CDC27: variants seen among roughly 807,000 people sequenced by gnomAD.
CDC27 encodes cell division cycle protein 27 homolog.
Under a neutral mutation model 109.7 loss-of-function variants are expected in CDC27, and 27 were observed. That is an observed-to-expected ratio of 0.25 (90% CI 0.18 to 0.34). The LOEUF (loss-of-function observed/expected upper bound fraction) is 0.34, where lower values mean the gene tolerates loss of function less well. Among genes scored for constraint, CDC27 ranks in the 10% least tolerant of loss-of-function variants. The probability of loss-of-function intolerance (pLI) is 1.00; values close to 1 mark genes in which losing one functional copy is unlikely to be tolerated. For synonymous variants in CDC27, 266 were observed against 333.9 expected (o/e 0.80, Z 2.22); for missense variants, 579 against 960.2 (o/e 0.60, Z 5.25).
intron 4 of CDC27, among the ~76,000 whole-genome samples, chr17:47,162,570 A>G (rs1598531038): frequency 1.3e-5 from 2 of 152,236 alleles, no homozygotes; most frequent in Admixed American, 6.5e-5. Context: ...AAGTTGCATT[A>G]GTGAACTGTA....
chr17:47,154,596 T>G, intron 8 of CDC27, 76 bp downstream of exon 8: 7 of 756,172 alleles, frequency 9.3e-6, no homozygotes, highest in Non-Finnish European at 1.5e-5. Flanking sequence ...AGATTTTCCC[T>G]GAGATTACCT....
chr17:47,129,889 C>T (rs2148815342), intron 15 of CDC27, among the ~76,000 whole-genome samples: 2 of 152,162 alleles, frequency 1.3e-5, no homozygotes, highest in South Asian at 2.1e-4. Context: ...CAAGCAAAAC[C>T]TTGGTGTTCT....
At position 47,188,816 on chromosome 17, in the gene CDC27, G is replaced by A; in HGVS notation, c.27+330C>T. On this transcript the variant is annotated intron_variant, in intron 1 of 18. Transcript: ENST00000066544. ...ATCTTTTAGGCAAGAGAGCGCTTGG[G>A]GTGCATTTTCGGCCCCTCATCTCCC... is the stretch of plus-strand genomic sequence containing the variant. 2.4e-6 allele frequency: 3 copies of A among 1,233,292 alleles called. No individual in the cohort carries two copies. The South Asian group carries it at 7.2e-5, about 30-fold the overall frequency. 76.4% of individuals were successfully genotyped at this position (1,233,292 alleles called of 1,614,324 possible).
intron 9 of CDC27, among the ~76,000 whole-genome samples, chr17:47,151,274 C>T (rs2063143411): frequency 6.6e-6 from 1 of 152,112 alleles, no homozygotes; most frequent in Non-Finnish European, 1.5e-5. Flanking sequence ...ATATGCACAC[C>T]TGTGTGTATG....
At chr17:47,177,354 A>C (rs1381052574) in intron 2 of CDC27, among the ~76,000 whole-genome samples, 1 of 152,240 alleles carries the variant, frequency 6.6e-6, no homozygotes, top group Non-Finnish European at 1.5e-5. Context: ...AGGTGGACAG[A>C]TCACTTGAGG....
At chr17:47,180,913 T>C (rs186256637) in intron 2 of CDC27, among the ~76,000 whole-genome samples, 27 of 142,624 alleles carry the variant, frequency 1.9e-4, no homozygotes, top group African/African-American at 6.9e-4. Context: ...TCTAAATCCA[T>C]GTTCTTCACC....
chr17:47,128,549 T>G (rs1020227061), intron 16 of CDC27, among the ~76,000 whole-genome samples: 1 of 152,172 alleles, frequency 6.6e-6, no homozygotes, highest in African/African-American at 2.4e-5. Flanking sequence ...CTCTCATAAC[T>G]TAATACACTT....
chr17:47,142,974 C>A (rs2062843980), intron 10 of CDC27, among the ~76,000 whole-genome samples: 1 of 151,934 alleles, frequency 6.6e-6, no homozygotes, highest in Non-Finnish European at 1.5e-5. Context: ...CCGTGCCCGG[C>A]CTTTGTTTTG....
At chr17:47,152,996 T>C (rs2063194722) in intron 8 of CDC27, among the ~76,000 whole-genome samples, 1 of 152,214 alleles carries the variant, frequency 6.6e-6, no homozygotes, top group African/African-American at 2.4e-5. Flanking sequence ...TATGACTAAC[T>C]TTCTACTGAA....
intron 1 of CDC27, among the ~76,000 whole-genome samples, chr17:47,186,411 C>T (rs1196243049): frequency 1.3e-5 from 2 of 152,132 alleles, no homozygotes; most frequent in Non-Finnish European, 2.9e-5. Context: ...AATTAATTTT[C>T]GAAAGGCTTA....
At chr17:47,143,603 C>G (rs1322034484) in intron 10 of CDC27, among the ~76,000 whole-genome samples, 1 of 152,156 alleles carries the variant, frequency 6.6e-6, no homozygotes, top group Non-Finnish European at 1.5e-5. Context: ...CTAATAATCA[C>G]TGATCTGTTG....
chr17:47,139,305 C>T (rs1217145088), intron 12 of CDC27, among the ~76,000 whole-genome samples: 4 of 141,986 alleles, frequency 2.8e-5, no homozygotes, highest in Non-Finnish European at 6.0e-5. Flanking sequence ...CTCACTCTGT[C>T]GCCCAGGCTG....
chr17:47,149,248 C>T (rs149146701), intron 9 of CDC27, among the ~76,000 whole-genome samples: 15 of 152,074 alleles, frequency 9.9e-5, no homozygotes, highest in African/African-American at 3.4e-4. Flanking sequence ...CGGTGGGGCT[C>T]ATGACTGTAA....
chr17:47,124,455 T>C (rs1271133089), intron 16 of CDC27, among the ~76,000 whole-genome samples: 4 of 152,158 alleles, frequency 2.6e-5, no homozygotes, highest in Non-Finnish European at 1.5e-5. Context: ...AGCTAATTTT[T>C]GTATTTTTAG....
chr17:47,140,437 A>T (rs1276778977), intron 12 of CDC27, among the ~76,000 whole-genome samples: 1 of 152,200 alleles, frequency 6.6e-6, no homozygotes, highest in Non-Finnish European at 1.5e-5. Flanking sequence ...AGGCATGGTA[A>T]CAAGATAAAA....
At position 47,141,336 on chromosome 17, in the gene CDC27, G is replaced by A. The variant is rs372647297; in HGVS notation, c.1551+517C>T. Reference sequence around the variant, plus strand: ...GGAATTAGAATTTTCTTTGGCTTTAGGTTAATCATTCTCTCCTTTTCTGGT... The same window carrying A: ...GGAATTAGAATTTTCTTTGGCTTTAAGTTAATCATTCTCTCCTTTTCTGGT... On this transcript the variant is annotated intron_variant, in intron 12 of 18. Transcript: ENST00000066544. 1.1e-4 allele frequency among the ~76,000 whole-genome samples: 16 copies of A among 152,096 alleles called. No homozygotes were observed. The South Asian group carries it at 3.1e-3, about 30-fold the overall frequency.
intron 2 of CDC27, among the ~76,000 whole-genome samples, chr17:47,175,942 A>G (rs1314244983): frequency 1.3e-5 from 2 of 152,314 alleles, no homozygotes; most frequent in East Asian, 1.9e-4. Context: ...TGGCACTTCA[A>G]CCTACTAGCT....
intron 15 of CDC27, among the ~76,000 whole-genome samples, chr17:47,131,859 T>C (rs1352379546): frequency 7.4e-6 from 1 of 135,202 alleles, no homozygotes; most frequent in African/African-American, 2.8e-5. Flanking sequence ...TTTGTAGAGA[T>C]GGGGTCTCGC....
At chr17:47,151,626 A>G (rs1002152072) in intron 9 of CDC27, among the ~76,000 whole-genome samples, 180 bp downstream of exon 9, 7 of 152,232 alleles carry the variant, frequency 4.6e-5, no homozygotes, top group Non-Finnish European at 1.0e-4. Flanking sequence ...TCTTCTGTGC[A>G]TTACAAAACT....
Sources: allele counts gnomAD v4.1 joint callset (sites outside exome capture counted in the v4.1 genomes callset), GRCh38; gene constraint gnomAD v4.1.1; transcripts MANE v1.5; gene names NCBI Gene and HGNC (gene_info 2026-07-23, HGNC 2026-07-21).